The following COL21A1 variants were observed in gnomAD, a reference collection of about 807,000 sequenced individuals.
COL21A1 encodes the protein collagen alpha-1(XXI) chain.
In COL21A1, 149 loss-of-function variants were observed where a neutral mutation model predicts 137.9. The ratio of observed to expected loss-of-function variants is 1.08; its 90% CI spans 0.95 to 1.24. COL21A1 has a LOEUF of 1.24. Among genes scored for constraint, COL21A1 ranks in the 50% most tolerant of loss-of-function variants. COL21A1 has a pLI of 0.00. For synonymous variants in COL21A1, 456 were observed against 391.5 expected (o/e 1.16, Z -1.95); for missense variants, 1,167 against 1,158.4 (o/e 1.01, Z -0.11).
At chr6:56,064,838 A>C (rs1242386745) in intron 23 of COL21A1, among the ~76,000 whole-genome samples, 2 of 152,100 alleles carry the variant, frequency 1.3e-5, no homozygotes, top group African/African-American at 4.8e-5. Flanking sequence ...GACAGAGATA[A>C]GGAACAAATT....
At chr6:56,378,627 G>A (rs1050669894) in intron 1 of COL21A1, among the ~76,000 whole-genome samples, 1 of 152,214 alleles carries the variant, frequency 6.6e-6, no homozygotes, top group Non-Finnish European at 1.5e-5. Context: ...AGCACCTCTG[G>A]ACCTGCCTGG....
chr6:56,345,711 G>T (rs1027063137), intron 1 of COL21A1, among the ~76,000 whole-genome samples: 1 of 152,176 alleles, frequency 6.6e-6, no homozygotes, highest in African/African-American at 2.4e-5. Flanking sequence ...TTTTGAAGGA[G>T]CCAGTGTGTC....
Position 56,074,283 on chromosome 6 carries a change from A to G in COL21A1, c.1914T>C (p.Gly638=). ...QGKKGAPGMP[G]LMGSNGSPGQ... ...CTGGTGAGCCATTGCTTCCCATTAA[A>G]CCCTACAATTTTAAAAAGGAATTTC... is the stretch of plus-strand genomic sequence containing the variant. Residue 638 remains glycine (G), a splice_region_variant and synonymous_variant, in exon 20 of 30, where the codon GGT becomes GGC. Coordinates refer to ENST00000244728, the MANE Select transcript of COL21A1 (RefSeq NM_030820.4). 6.3e-7 allele frequency: 1 copy of G among 1,580,338 alleles called. No individual in the cohort carries two copies. The highest frequency in any genetic ancestry group is 1.4e-5 in the African/African-American group (1 of 73,178).
intron 14 of COL21A1, among the ~76,000 whole-genome samples, chr6:56,124,793 T>C (rs775192202): frequency 2.2e-4 from 33 of 150,918 alleles, no homozygotes; most frequent in Admixed American, 7.3e-4. Flanking sequence ...AGGCGCCCAC[T>C]ACCACTCCTG....
At chr6:56,253,324 C>T (rs1782897931) in intron 1 of COL21A1, among the ~76,000 whole-genome samples, 1 of 142,164 alleles carries the variant, frequency 7.0e-6, no homozygotes, top group East Asian at 3.0e-4. Flanking sequence ...ATTCAACCTG[C>T]CAGTGTCCAC....
intron 1 of COL21A1, among the ~76,000 whole-genome samples, chr6:56,295,354 A>G (rs1281365847): frequency 6.6e-6 from 1 of 151,950 alleles, no homozygotes. Context: ...CTGTAGCTTC[A>G]TAGTAAGTTT....
In COL21A1 at chr6:56,067,220, T is replaced by A. The variant is rs1427623389; in HGVS notation, c.2127+75A>T. 3 of 1,227,144 alleles carry A rather than the reference T, an allele frequency of 2.4e-6. No homozygotes were observed. In the African/African-American group the frequency reaches 4.6e-5, roughly 19 times the overall value. 76.0% of individuals were successfully genotyped at this position (1,227,144 alleles called of 1,614,324 possible). On this transcript the variant is annotated intron_variant, in intron 23 of 29. Transcript: ENST00000244728. The stretch of plus-strand genomic sequence containing the variant: ...TATTAATGTTGAAACAGAAAGGAAT[T>A]TAAAAGTAAAATAAGAACTTTTTAA...
chr6:56,349,087 A>G (rs1765656540), intron 1 of COL21A1, among the ~76,000 whole-genome samples: 1 of 152,214 alleles, frequency 6.6e-6, no homozygotes, highest in Admixed American at 6.5e-5. Flanking sequence ...AAAAGAGCAA[A>G]GAATAGCTTC....
At chr6:56,210,928 T>C (rs938171148) in intron 1 of COL21A1, among the ~76,000 whole-genome samples, 1 of 151,894 alleles carries the variant, frequency 6.6e-6, no homozygotes, top group African/African-American at 2.4e-5. Context: ...TGTAAATAGA[T>C]ATTTTTGAGT....
At chr6:56,319,017 A>G (rs1764807700) in intron 1 of COL21A1, among the ~76,000 whole-genome samples, 1 of 151,934 alleles carries the variant, frequency 6.6e-6, no homozygotes, top group African/African-American at 2.4e-5. Flanking sequence ...ACCAACCACA[A>G]TGTTTGATCA....
chr6:56,134,094 A>G (rs1773790156), intron 12 of COL21A1, among the ~76,000 whole-genome samples: 1 of 152,210 alleles, frequency 6.6e-6, no homozygotes, highest in Non-Finnish European at 1.5e-5. Context: ...ATATCTACCG[A>G]TAGCTTGCAC....
At chr6:56,153,476 C>G (rs185717365) in intron 10 of COL21A1, among the ~76,000 whole-genome samples, 2 of 151,988 alleles carry the variant, frequency 1.3e-5, no homozygotes, top group Non-Finnish European at 2.9e-5. Context: ...CAATATCTCC[C>G]ATTTTTTAAA....
At chr6:56,270,673 G>A (rs55670446) in intron 1 of COL21A1, among the ~76,000 whole-genome samples, 11,318 of 152,170 alleles carry the variant, frequency 0.074, 466 homozygotes, top group Middle Eastern at 0.12. Context: ...TAATCCCCAC[G>A]TGTCCTGAAA....
At chr6:56,312,472 G>C (rs191030401) in intron 1 of COL21A1, among the ~76,000 whole-genome samples, 1 of 152,274 alleles carries the variant, frequency 6.6e-6, no homozygotes, top group East Asian at 1.9e-4. Flanking sequence ...GGAATGATGA[G>C]GTTTGAGTAG....
At chr6:56,253,602 A>G (rs1782903736) in intron 1 of COL21A1, among the ~76,000 whole-genome samples, 1 of 152,124 alleles carries the variant, frequency 6.6e-6, no homozygotes, top group Admixed American at 6.6e-5. Flanking sequence ...CTACTTCTGT[A>G]TTTTTCCCTA....
Position 56,243,230 on chromosome 6 carries a change from A to G in COL21A1, c.-39+4157T>C, listed in dbSNP as rs555324636. ...ACTCTTTTCACAATAAATTTCAAAC[A>G]TTCTAACACAGAACACAGTCTAAAA... On this transcript the variant is annotated intron_variant, in intron 1 of 29. Transcript: ENST00000244728. Among the ~76,000 whole-genome samples, 6 of 152,304 alleles carry G rather than the reference A, an allele frequency of 3.9e-5. No individual in the cohort carries two copies. In the South Asian group the frequency reaches 8.3e-4, roughly 21 times the overall value.
chr6:56,271,225 T>C (rs1387723526), intron 1 of COL21A1, among the ~76,000 whole-genome samples: 2 of 152,194 alleles, frequency 1.3e-5, no homozygotes, highest in Non-Finnish European at 2.9e-5. Context: ...ACTGGAACTG[T>C]AGAGCAAAGG....
chr6:56,180,892 C>A (rs1313478766), intron 2 of COL21A1, among the ~76,000 whole-genome samples: 1 of 152,134 alleles, frequency 6.6e-6, no homozygotes, highest in African/African-American at 2.4e-5. Flanking sequence ...CCCAACGAAC[C>A]AGTTTATCTT....
chr6:56,096,307 C>T (rs1769320089), intron 17 of COL21A1, among the ~76,000 whole-genome samples: 1 of 152,132 alleles, frequency 6.6e-6, no homozygotes, highest in Non-Finnish European at 1.5e-5. Context: ...CCTTGATGGC[C>T]AGGCCATGAT....
Sources: gnomAD v4.1 joint callset for allele counts (sites outside exome capture counted in the v4.1 genomes callset) on GRCh38, gnomAD v4.1.1 for gene constraint, MANE v1.5 for transcripts, NCBI Gene and HGNC (gene_info 2026-07-23, HGNC 2026-07-21) for gene names.